Variants in ALMS1 observed in about 807,000 individuals in gnomAD.
ALMS1 encodes the protein centrosome-associated protein ALMS1.
Under a neutral mutation model 352.2 loss-of-function variants are expected in ALMS1, and 271 were observed. That is an observed-to-expected ratio of 0.77 (90% confidence interval 0.70 to 0.85). The LOEUF (loss-of-function observed/expected upper bound fraction) is 0.85, where lower values mean the gene tolerates loss of function less well. Among genes scored for constraint, ALMS1 ranks in the 40% least tolerant of loss-of-function variants. The probability of loss-of-function intolerance (pLI) is 0.00; values close to 1 mark genes in which losing one functional copy is unlikely to be tolerated. For missense variants in ALMS1, 5,445 were observed against 4,870.7 expected, an observed-to-expected ratio of 1.12 and a Z score of -3.51; for synonymous variants, 1,865 against 1,761.2, an observed-to-expected ratio of 1.06 and a Z score of -1.48.
At position 73,453,671 on chromosome 2, in the gene ALMS1, C is replaced by G. The variant is rs1165140720; in HGVS notation, c.7144C>G (p.Gln2382Glu). ...ATTAGAAGAAACTCTTAGGCAATATCAAGCAGCCAAATCTGTAATGAGGTC... is the reference window on the plus strand; with the variant it reads ...ATTAGAAGAAACTCTTAGGCAATATGAAGCAGCCAAATCTGTAATGAGGTC... ...MALEETLRQY[Q>E]AAKSVMRSEP... The change falls in exon 8 of 23, where the codon CAA becomes GAA. Residue 2382 changes from glutamine (Q) to glutamate (E), a missense_variant. By Grantham distance (29) the Gln-to-Glu change is conservative. Coordinates refer to ENST00000613296, the MANE Select transcript of ALMS1 (RefSeq NM_001378454.1). 1 of 1,614,072 alleles carries G rather than the reference C, an allele frequency of 6.2e-7. No homozygotes were observed. Among genetic ancestry groups the G allele is most frequent in the South Asian group, 1.1e-5 (1 of 91,072 alleles).
intron 10 of ALMS1, among the ~76,000 whole-genome samples, chr2:73,506,685 A>T (rs975755178): frequency 2.0e-5 from 3 of 152,184 alleles, no homozygotes; most frequent in African/African-American, 7.2e-5. Context: ...TTGGGCTGAG[A>T]TGATGGGGTT....
At chr2:73,477,258 A>G (rs1261186409) in intron 9 of ALMS1, among the ~76,000 whole-genome samples, 1 of 151,934 alleles carries the variant, frequency 6.6e-6, no homozygotes, top group East Asian at 1.9e-4. Context: ...TCCCTGTTGA[A>G]TTTTCATGAC....
At chr2:73,465,169 T>G (rs1406096055) in intron 9 of ALMS1, among the ~76,000 whole-genome samples, 1 of 151,734 alleles carries the variant, frequency 6.6e-6, no homozygotes, top group East Asian at 1.9e-4. Flanking sequence ...AAAAAGAGCC[T>G]GCATCGCCAA....
chr2:73,601,890 T>C (rs1269551056), intron 19 of ALMS1, among the ~76,000 whole-genome samples: 1 of 152,244 alleles, frequency 6.6e-6, no homozygotes, highest in Non-Finnish European at 1.5e-5. Flanking sequence ...TGAATAGATC[T>C]TTAAAATAGC....
In ALMS1 at chr2:73,600,917, C is replaced by T. The variant is rs753811236; in HGVS notation, c.11872+36C>T. On this transcript the variant is annotated intron_variant, in intron 18 of 22. Coordinates refer to ENST00000613296, the MANE Select transcript of ALMS1 (RefSeq NM_001378454.1). Reference sequence around the variant, plus strand: ...CATTCCAGATCTTGTAGTAGAGAAACTAGTGAATTTCAAGTCCCCTGCGAT... The same window carrying T: ...CATTCCAGATCTTGTAGTAGAGAAATTAGTGAATTTCAAGTCCCCTGCGAT... 3.1e-6 allele frequency: 5 copies of T among 1,597,572 alleles called. No homozygotes were observed. The Admixed American group carries it at 8.4e-5, about 27-fold the overall frequency.
Position 73,491,372 on chromosome 2 carries a change from T to C in ALMS1, c.9413T>C (p.Ile3138Thr). 1 of 1,614,182 alleles carries C rather than the reference T, an allele frequency of 6.2e-7. No homozygotes were observed. The highest frequency in any genetic ancestry group is 1.7e-5 in the Admixed American group (1 of 60,028). The change falls in exon 10 of 23, where the codon ATT becomes ACT. Residue 3138 changes from isoleucine (I) to threonine (T), a missense_variant. Ile to Thr is a moderately conservative substitution (Grantham distance 89). Transcript: ENST00000613296. The stretch of plus-strand genomic sequence containing the variant: ...CCTTCTCTTCCAGACAGTAACACTA[T>C]TACTCAGGACTTGAAAACCATACCT... ...VQPSLPDSNT[I>T]TQDLKTIPSQ...
chr2:73,422,872 T>G lies in ALMS1; in HGVS notation c.662T>G (p.Phe221Cys). The change falls in exon 4 of 23, where the codon TTT (phenylalanine) becomes TGT (cysteine). Residue 221 changes from phenylalanine (F) to cysteine (C), a missense_variant. Phe to Cys is a radical substitution (Grantham distance 205). Coordinates refer to ENST00000613296, the MANE Select transcript of ALMS1 (RefSeq NM_001378454.1). ...AACTTTACAGTCATACAAGATAGCT[T>G]TGCTTCTCCTGATTTGCCTTTGCTG... ...CSPLLVIQDS[F>C]ASPDLPLLTC... 1 of 1,613,062 alleles carries G rather than the reference T, an allele frequency of 6.2e-7. No homozygotes were observed. Among genetic ancestry groups the G allele is most frequent in the Non-Finnish European group, 8.5e-7 (1 of 1,179,072 alleles).
chr2:73,509,816 G>A (rs1342866508), intron 10 of ALMS1, among the ~76,000 whole-genome samples: 2 of 152,168 alleles, frequency 1.3e-5, no homozygotes, highest in African/African-American at 2.4e-5. Context: ...GTCTTGCTAG[G>A]TTGGGGAAGT....
intron 9 of ALMS1, among the ~76,000 whole-genome samples, chr2:73,464,078 C>T (rs1370067789): frequency 1.3e-5 from 2 of 152,260 alleles, no homozygotes; most frequent in African/African-American, 2.4e-5. Flanking sequence ...AGAGGGAATC[C>T]TCCCTAACTC....
At chr2:73,404,032 T>C (rs960293129) in intron 1 of ALMS1, among the ~76,000 whole-genome samples, 1 of 152,170 alleles carries the variant, frequency 6.6e-6, no homozygotes, top group African/African-American at 2.4e-5. Flanking sequence ...CGCAAATAGC[T>C]AGGACTACAG....
rs1165762584 is a variant in ALMS1 at position 73,521,822 on chromosome 2, A to G, written c.9781+1806A>G. On this transcript the variant is annotated intron_variant, in intron 11 of 22. Coordinates refer to ENST00000613296, the MANE Select transcript of ALMS1 (RefSeq NM_001378454.1). ...GATCAATTTATAGAGGCCATGATTT[A>G]TGGTTCATATAAACTTTTTATCAAA... 2.6e-5 allele frequency among the ~76,000 whole-genome samples: 4 copies of G among 152,174 alleles called. No individual in the cohort carries two copies. In the East Asian group the frequency reaches 7.7e-4, roughly 29 times the overall value.
intron 10 of ALMS1, among the ~76,000 whole-genome samples, chr2:73,507,144 G>A (rs1673344579): frequency 6.6e-6 from 1 of 152,084 alleles, no homozygotes; most frequent in Non-Finnish European, 1.5e-5. Context: ...TGATCTTGGT[G>A]GATAAGCTTT....
intron 9 of ALMS1, among the ~76,000 whole-genome samples, chr2:73,478,060 A>T (rs1027706876): frequency 2.6e-5 from 4 of 152,186 alleles, no homozygotes; most frequent in Non-Finnish European, 4.4e-5. Context: ...GGGAGAAAGC[A>T]TCTAGCTTTT....
At chr2:73,393,307 C>G (rs943913953) in intron 1 of ALMS1, among the ~76,000 whole-genome samples, 1 of 151,184 alleles carries the variant, frequency 6.6e-6, no homozygotes, top group African/African-American at 2.4e-5. Context: ...ACATGTAGGT[C>G]TTTGATCCAT....
chr2:73,492,655 G>A (rs976281249), intron 10 of ALMS1, among the ~76,000 whole-genome samples: 1 of 152,146 alleles, frequency 6.6e-6, no homozygotes, highest in Non-Finnish European at 1.5e-5. Flanking sequence ...GTTAGGGATT[G>A]AGATAATAGA....
At chr2:73,575,868 T>C (rs994616454) in intron 16 of ALMS1, among the ~76,000 whole-genome samples, 3 of 152,180 alleles carry the variant, frequency 2.0e-5, no homozygotes, top group African/African-American at 7.2e-5. Context: ...TTTTTGTTTT[T>C]TGTGCTTTTG....
At chr2:73,549,366 ATAT>A (rs1674383320) in intron 12 of ALMS1, among the ~76,000 whole-genome samples, 1 of 152,178 alleles carries the variant, frequency 6.6e-6, no homozygotes, top group Non-Finnish European at 1.5e-5. Context: ...ATAGCTAAAT[ATAT>A]TATTATTTTG....
In ALMS1 at chr2:73,422,935, C is replaced by G. The variant is rs769253542; in HGVS notation, c.725C>G (p.Ser242Cys). 1.9e-6 allele frequency: 3 copies of G among 1,613,606 alleles called. No homozygotes were observed. The highest frequency in any genetic ancestry group is 2.5e-6 in the Non-Finnish European group (3 of 1,179,604). The change falls in exon 4 of 23, where the codon TCT becomes TGT. Residue 242 changes from serine to cysteine, a missense_variant. Ser to Cys is a moderately radical substitution (Grantham distance 112, BLOSUM62 -1). Transcript: ENST00000613296. ...LTQDQEFAPDSLFHQSELSFA... is the reference protein window; with the variant it reads ...LTQDQEFAPDCLFHQSELSFA... ...CAAGACCAAGAATTTGCGCCTGATTCTTTATTTCATCAAAGTGAACTAAGT... is the reference window on the plus strand; with the variant it reads ...CAAGACCAAGAATTTGCGCCTGATTGTTTATTTCATCAAAGTGAACTAAGT...
At chr2:73,386,246 G>A in intron 1 of ALMS1, 54 bp downstream of exon 1, 1 of 1,439,844 alleles carries the variant, frequency 6.9e-7, no homozygotes, top group South Asian at 1.4e-5. Context: ...GGTGGAGGCT[G>A]GGCCCCGAGC....
Sources: allele counts gnomAD v4.1 joint callset (sites outside exome capture counted in the v4.1 genomes callset), GRCh38; gene constraint gnomAD v4.1.1; transcripts MANE v1.5; gene names NCBI Gene and HGNC (gene_info 2026-07-23, HGNC 2026-07-21).